Variants in GAPDH observed in about 807,000 individuals in gnomAD.
GAPDH encodes OCAS, p38 component.
In GAPDH, 13 loss-of-function variants were observed where a neutral mutation model predicts 31.2. The observed-to-expected ratio is 0.42, with a 90% CI of 0.27 to 0.66. The LOEUF (loss-of-function observed/expected upper bound fraction) is 0.66, where lower values mean the gene tolerates loss of function less well. Ranked by LOEUF, GAPDH falls within the 30% of genes least tolerant of loss-of-function variation. The pLI, the probability that GAPDH is intolerant of heterozygous loss-of-function variation, is 0.26. For synonymous variants in GAPDH, 211 were observed against 166.9 expected, an observed-to-expected ratio of 1.26 and a Z score of -2.04; for missense variants, 300 against 443.7, an observed-to-expected ratio of 0.68 and a Z score of 2.91.
rs939358816 is a variant in GAPDH at position 6,534,544 on chromosome 12, A to T, written c.-49A>T. 1 of 504,018 alleles carries T rather than the reference A, an allele frequency of 2.0e-6. No homozygotes were observed. The highest frequency in any genetic ancestry group is 2.1e-5 in the African/African-American group (1 of 48,026). The allele number at this position is 504,018 out of a possible 1,614,324, so 31.2% of individuals were successfully genotyped here. The stretch of plus-strand genomic sequence containing the variant: ...TCTCTGCTCCTCCTGTTCGACAGTC[A>T]GCCGCATCTTCTTTTGCGTCGCCAG... On this transcript the variant is annotated 5_prime_UTR_variant, in exon 1 of 9. Coordinates refer to ENST00000229239, the MANE Select transcript of GAPDH (RefSeq NM_002046.7).
intron 2 of GAPDH, chr12:6,535,146 T>C: frequency 1.0e-6 from 1 of 992,708 alleles, no homozygotes; most frequent in Non-Finnish European, 1.3e-6. Flanking sequence ...GACCCCTAGG[T>C]GGGGGACGCT....
At chr12:6,535,557 G>A (rs1386948146) in intron 2 of GAPDH, 5 of 579,410 alleles carry the variant, frequency 8.6e-6, no homozygotes, top group East Asian at 2.9e-4. Flanking sequence ...CAAGCCGGGA[G>A]AAGCTGAGTC....
In GAPDH at chr12:6,537,175, T is replaced by C. The variant is rs144761391; in HGVS notation, c.402T>C (p.Gly134=). 1.4e-5 allele frequency: 23 copies of C among 1,613,306 alleles called. No homozygotes were observed. In the African/African-American group the frequency reaches 1.5e-4, roughly 10 times the overall value. The stretch of plus-strand genomic sequence containing the variant: ...CTGATGCCCCCATGTTCGTCATGGG[T>C]GTGAACCATGAGAAGTATGACAACA... ...PSADAPMFVM[G]VNHEKYDNSL... is the part of the protein sequence containing the mutation. The change falls in exon 6 of 9, where the codon GGT becomes GGC. Residue 134 remains glycine (G), a synonymous_variant. Coordinates refer to ENST00000229239, the MANE Select transcript of GAPDH (RefSeq NM_002046.7). This position sits in a 1 kb window ranked among gnomAD's most constrained non-coding sequence, Gnocchi z 4.9.
Position 6,537,414 on chromosome 12 carries a change from T to C in GAPDH, c.525+24T>C, listed in dbSNP as rs377115117. The stretch of plus-strand genomic sequence containing the variant: ...TGGTATGAGAGCTGGGGAATGGGAC[T>C]GAGGCTCCCACCTTTCTCATCCAAG... On this transcript the variant is annotated intron_variant, in intron 7 of 8. Coordinates refer to ENST00000229239, the MANE Select transcript of GAPDH (RefSeq NM_002046.7). The surrounding 1 kb of genome is among the most constrained non-coding windows in gnomAD (Gnocchi z 4.9). 6.2e-6 allele frequency: 10 copies of C among 1,600,792 alleles called. No individual in the cohort carries two copies. The highest frequency in any genetic ancestry group is 7.7e-6 in the Non-Finnish European group (9 of 1,171,466).
In GAPDH at chr12:6,537,202, C is replaced by T. The variant is rs761293659; in HGVS notation, c.429C>T (p.Ser143=). 1 of 1,612,412 alleles carries T rather than the reference C, an allele frequency of 6.2e-7. No homozygotes were observed. Among genetic ancestry groups the T allele is most frequent in the African/African-American group, 1.3e-5 (1 of 75,016 alleles). Residue 143 remains serine, a synonymous_variant, in exon 6 of 9, where the codon AGC becomes AGT. Transcript: ENST00000229239. This position sits in a 1 kb window ranked among gnomAD's most constrained non-coding sequence, Gnocchi z 4.9. ...TGAACCATGAGAAGTATGACAACAGCCTCAAGATCATCAGGTGAGGAAGGC... is the reference window on the plus strand; with the variant it reads ...TGAACCATGAGAAGTATGACAACAGTCTCAAGATCATCAGGTGAGGAAGGC... ...MGVNHEKYDN[S]LKIISNASCT... is the part of the protein sequence containing the mutation.
rs1464599733 is a variant in GAPDH at position 6,538,283 on chromosome 12, A to G, written c.*113A>G. On this transcript the variant is annotated 3_prime_UTR_variant, in exon 9 of 9. Transcript: ENST00000229239. Reference sequence around the variant, plus strand: ...ACCACACTGAATCTCCCCTCCTCACAGTTGCCATGTAGACCCCTTGAAGAG... The same window carrying G: ...ACCACACTGAATCTCCCCTCCTCACGGTTGCCATGTAGACCCCTTGAAGAG... 1 of 891,788 alleles carries G rather than the reference A, an allele frequency of 1.1e-6. No homozygotes were observed. The highest frequency in any genetic ancestry group is 1.3e-5 in the South Asian group (1 of 74,166). 55.2% of individuals were successfully genotyped at this position (891,788 alleles called of 1,614,324 possible).
intron 4 of GAPDH, 21 bp from the exon 5 acceptor site, chr12:6,536,899 A>G (rs762119403): frequency 4.0e-5 from 57 of 1,440,766 alleles, no homozygotes; most frequent in Non-Finnish European, 5.4e-5. Flanking sequence ...TCCTGTCCCC[A>G]TCTCCCCCCC....
intron 2 of GAPDH, 157 bp downstream of exon 2, chr12:6,535,018 C>T (rs1021725678): frequency 2.6e-5 from 24 of 921,816 alleles, no homozygotes; most frequent in Middle Eastern, 2.3e-4. Flanking sequence ...GGCGGAGCCC[C>T]GCACCCAGGC....
intron 1 of GAPDH, 57 bp downstream of exon 1, chr12:6,534,626 G>T: frequency 1.7e-6 from 1 of 605,602 alleles, no homozygotes; most frequent in Non-Finnish European, 2.9e-6. Context: ...GGCGGCAGGG[G>T]CGGGCGCAGG....
chr12:6,536,969 G>A lies in GAPDH; in HGVS notation c.286G>A (p.Val96Met), dbSNP rs770105201. The change falls in exon 5 of 9, where the codon GTG (valine) becomes ATG (methionine). Residue 96 changes from valine to methionine, a missense_variant. By Grantham distance (21) the Val-to-Met change is conservative (BLOSUM62 1). Coordinates refer to ENST00000229239, the MANE Select transcript of GAPDH (RefSeq NM_002046.7). ...KWGDAGAEYV[V>M]ESTGVFTTME... ...GGGCGATGCTGGCGCTGAGTACGTC[G>A]TGGAGTCCACTGGCGTCTTCACCAC... 37 of 1,613,752 alleles carry A rather than the reference G, an allele frequency of 2.3e-5. No individual in the cohort carries two copies. Among genetic ancestry groups the A allele is most frequent in the Middle Eastern group, 1.6e-4 (1 of 6,084 alleles).
chr12:6,534,748 G>A, intron 1 of GAPDH, 62 bp from the exon 2 acceptor site: 1 of 1,412,168 alleles, frequency 7.1e-7, no homozygotes, highest in Non-Finnish European at 1.0e-6. Flanking sequence ...TGGGGGAGGG[G>A]AGGGGAGGCG....
At chr12:6,534,707 G>T in intron 1 of GAPDH, 103 bp from the exon 2 acceptor site, 1 of 1,027,590 alleles carries the variant, frequency 9.7e-7, no homozygotes, top group South Asian at 1.4e-5. Flanking sequence ...CGGAGGACGT[G>T]ATGCGGCGCG....
Position 6,538,180 on chromosome 12 carries a change from A to G in GAPDH, c.*10A>G, listed in dbSNP as rs371417284. ...GGCCTCCAAGGAGTAAGACCCCTGG[A>G]CCACCAGCCCCAGCAAGAGCACAAG... On this transcript the variant is annotated 3_prime_UTR_variant, in exon 9 of 9. Coordinates refer to ENST00000229239, the MANE Select transcript of GAPDH (RefSeq NM_002046.7). The G allele has an allele frequency of 1.1e-4, 171 of 1,603,574 alleles. No individual in the cohort carries two copies. The highest frequency in any genetic ancestry group is 1.1e-4 in the Non-Finnish European group (132 of 1,178,174).
At position 6,537,258 on chromosome 12, in the gene GAPDH, C is replaced by T. The variant is rs1373144887; in HGVS notation, c.443+42C>T. The stretch of plus-strand genomic sequence containing the variant: ...CCGTGGAGAAGCGGCCAGCCTGGCA[C>T]CCTATGGACACGCTCCCCTGACTTG... On this transcript the variant is annotated intron_variant, in intron 6 of 8. Coordinates refer to ENST00000229239, the MANE Select transcript of GAPDH (RefSeq NM_002046.7). The surrounding 1 kb of genome is among the most constrained non-coding windows in gnomAD (Gnocchi z 4.9). The T allele has an allele frequency of 1.9e-6, 3 of 1,596,162 alleles. No individual in the cohort carries two copies. Among genetic ancestry groups the T allele is most frequent in the African/African-American group, 2.7e-5 (2 of 74,746 alleles).
chr12:6,537,817 C>A lies in GAPDH; in HGVS notation c.759C>A (p.Ala253=), dbSNP rs749586575. ...VDLTCRLEKP[A]KYDDIKKVVK... is the part of the protein sequence containing the mutation. ...TGACCTGCCGTCTAGAAAAACCTGC[C>A]AAATATGATGACATCAAGAAGGTGG... The change falls in exon 8 of 9, where the codon GCC becomes GCA. Residue 253 remains alanine (A), a synonymous_variant. Transcript: ENST00000229239. This position sits in a 1 kb window ranked among gnomAD's most constrained non-coding sequence, Gnocchi z 4.9. The A allele has an allele frequency of 1.2e-6, 2 of 1,612,012 alleles. No individual in the cohort carries two copies.
At position 6,538,172 on chromosome 12, in the gene GAPDH, A is replaced by AC. The variant is rs759513625; in HGVS notation, c.*6dup. The AC allele has an allele frequency of 7.5e-6, 12 of 1,605,518 alleles. No homozygotes were observed. The African/African-American group carries it at 1.6e-4, about 21-fold the overall frequency. ...GCCCACATGGCCTCCAAGGAGTAAG[A>AC]CCCCTGGACCACCAGCCCCAGCAAG... On this transcript the variant is annotated 3_prime_UTR_variant, in exon 9 of 9. Transcript: ENST00000229239.
At position 6,536,671 on chromosome 12, in the gene GAPDH, C is replaced by T. The variant is rs775078122; in HGVS notation, c.130-13C>T. 4 of 1,608,702 alleles carry T rather than the reference C, an allele frequency of 2.5e-6. No individual in the cohort carries two copies. The highest frequency in any genetic ancestry group is 2.2e-5 in the East Asian group (1 of 44,858). On this transcript the variant is annotated splice_polypyrimidine_tract_variant and intron_variant, in intron 3 of 8. Transcript: ENST00000229239. ...GATGGGCAGCCCCTTCATACCCTCA[C>T]GTATTCCCCCAGGTTTACATGTTCC...
chr12:6,536,665 C>T lies in GAPDH; in HGVS notation c.130-19C>T, dbSNP rs111532255. ...CTGGCTGATGGGCAGCCCCTTCATACCCTCACGTATTCCCCCAGGTTTACA... is the reference window on the plus strand; with the variant it reads ...CTGGCTGATGGGCAGCCCCTTCATATCCTCACGTATTCCCCCAGGTTTACA... On this transcript the variant is annotated intron_variant, in intron 3 of 8. Transcript: ENST00000229239. 156 of 1,607,312 alleles carry T rather than the reference C, an allele frequency of 9.7e-5. 1 individual carries two copies. The Middle Eastern group carries it at 1.7e-3, about 17-fold the overall frequency.
At chr12:6,536,453 G>A (rs768867359) in intron 2 of GAPDH, 41 bp from the exon 3 acceptor site, 7 of 1,439,492 alleles carry the variant, frequency 4.9e-6, no homozygotes, top group African/African-American at 1.4e-5. Flanking sequence ...TATTCTGGAG[G>A]AGCCTCCCCT....
Sources: allele counts gnomAD v4.1 joint callset, GRCh38; gene constraint gnomAD v4.1.1; non-coding constraint Gnocchi (gnomAD v3.1); transcripts MANE v1.5; gene names NCBI Gene and HGNC (gene_info 2026-07-23, HGNC 2026-07-21).